The following CAMK1D variants were observed in gnomAD, a reference collection of about 807,000 sequenced individuals.
The protein encoded by CAMK1D is calcium/calmodulin dependent protein kinase ID.
CAMK1D carries 9 observed loss-of-function variants against 47.7 expected under a neutral mutation model. That is an observed-to-expected ratio of 0.19 (90% CI 0.11 to 0.33). The LOEUF (loss-of-function observed/expected upper bound fraction) is 0.33. Among genes scored for constraint, CAMK1D ranks in the 10% least tolerant of loss-of-function variants. The probability of loss-of-function intolerance (pLI) is 1.00; values close to 1 mark genes in which losing one functional copy is unlikely to be tolerated. For synonymous variants in CAMK1D, 184 were observed against 184.9 expected, an observed-to-expected ratio of 0.99 and a Z score of 0.04; for missense variants, 291 against 488.7, an observed-to-expected ratio of 0.60 and a Z score of 3.81.
intron 5 of CAMK1D, among the ~76,000 whole-genome samples, chr10:12,785,700 G>T (rs571836729): frequency 1.3e-5 from 2 of 152,284 alleles, no homozygotes; most frequent in South Asian, 2.1e-4. Context: ...TCCTTGCCAC[G>T]CGTCATAAAA....
chr10:12,576,462 T>A (rs1831086), intron 2 of CAMK1D, among the ~76,000 whole-genome samples: 39,795 of 151,672 alleles, frequency 0.26, 6,304 homozygotes, highest in Admixed American at 0.37. Flanking sequence ...GTACTTTATT[T>A]TTATTATTAT....
At chr10:12,408,848 C>CTTTTTT (rs113921067) in intron 1 of CAMK1D, among the ~76,000 whole-genome samples, 148 of 121,828 alleles carry the variant, frequency 1.2e-3, no homozygotes, top group Non-Finnish European at 1.5e-3. Flanking sequence ...TTCTTTCTTT[C>CTTTTTT]TTTTTTTTTT....
At chr10:12,795,229 C>G (rs959592403) in intron 6 of CAMK1D, among the ~76,000 whole-genome samples, 7 of 152,132 alleles carry the variant, frequency 4.6e-5, no homozygotes, top group African/African-American at 1.7e-4. Flanking sequence ...AGGACCAGAG[C>G]AGGGTGCCAT....
At chr10:12,792,704 G>C (rs965445589) in intron 6 of CAMK1D, among the ~76,000 whole-genome samples, 5 of 152,164 alleles carry the variant, frequency 3.3e-5, no homozygotes, top group African/African-American at 1.2e-4. Context: ...AGTGCCTGTA[G>C]ATTCTTGTCG....
At chr10:12,418,951 G>A (rs898578104) in intron 1 of CAMK1D, among the ~76,000 whole-genome samples, 4 of 152,174 alleles carry the variant, frequency 2.6e-5, no homozygotes, top group Admixed American at 1.3e-4. Flanking sequence ...AGTCGCGGGC[G>A]TGGTGTGTCC....
intron 3 of CAMK1D, among the ~76,000 whole-genome samples, chr10:12,735,247 C>T (rs1359384683): frequency 2.0e-5 from 3 of 152,118 alleles, no homozygotes; most frequent in Non-Finnish European, 4.4e-5. Context: ...GAGGCCGAGG[C>T]GGGCGGATCA....
At chr10:12,718,895 A>T (rs1834260011) in intron 3 of CAMK1D, among the ~76,000 whole-genome samples, 2 of 152,170 alleles carry the variant, frequency 1.3e-5, no homozygotes, top group Admixed American at 1.3e-4. Flanking sequence ...AGGAGTTGAC[A>T]CCCAGAGAAT....
At chr10:12,626,380 CG>C (rs1194395941) in intron 2 of CAMK1D, among the ~76,000 whole-genome samples, 1 of 152,006 alleles carries the variant, frequency 6.6e-6, no homozygotes, top group Non-Finnish European at 1.5e-5. Context: ...TTCTTTGCTC[CG>C]TTCCTTCCCA....
intron 2 of CAMK1D, among the ~76,000 whole-genome samples, chr10:12,563,878 T>C (rs1053290354): frequency 1.3e-5 from 2 of 152,236 alleles, no homozygotes; most frequent in African/African-American, 4.8e-5. Flanking sequence ...CTTTGCATGT[T>C]TATTTCCTTG....
At chr10:12,449,406 A>G (rs1833015713) in intron 1 of CAMK1D, among the ~76,000 whole-genome samples, 1 of 152,000 alleles carries the variant, frequency 6.6e-6, no homozygotes, top group Non-Finnish European at 1.5e-5. Context: ...TCCACTAACC[A>G]GCTGTGTATA....
At chr10:12,474,494 G>T (rs1048416156) in intron 1 of CAMK1D, among the ~76,000 whole-genome samples, 2 of 152,016 alleles carry the variant, frequency 1.3e-5, no homozygotes, top group African/African-American at 4.8e-5. Context: ...CACCTGGCCC[G>T]AGGATGGTTC....
chr10:12,442,879 A>G (rs1832821766), intron 1 of CAMK1D, among the ~76,000 whole-genome samples: 1 of 152,254 alleles, frequency 6.6e-6, no homozygotes, highest in Admixed American at 6.5e-5. Context: ...TCCAAAATTT[A>G]ACCATGACAA....
chr10:12,608,233 A>G (rs534523987), intron 2 of CAMK1D, among the ~76,000 whole-genome samples: 30 of 152,364 alleles, frequency 2.0e-4, no homozygotes, highest in Middle Eastern at 3.4e-3. Context: ...AGCCTGGCCA[A>G]CATGGCGGAA....
chr10:12,565,899 A>G (rs1386072401), intron 2 of CAMK1D, among the ~76,000 whole-genome samples: 3 of 151,706 alleles, frequency 2.0e-5, no homozygotes, highest in Non-Finnish European at 4.4e-5. Context: ...GCAATAGCCC[A>G]CTCTAGGTAG....
chr10:12,447,377 C>G (rs967201109), intron 1 of CAMK1D, among the ~76,000 whole-genome samples: 4 of 152,070 alleles, frequency 2.6e-5, no homozygotes, highest in African/African-American at 9.7e-5. Context: ...ACTGGGCAGC[C>G]TTCAGATAGT....
intron 5 of CAMK1D, among the ~76,000 whole-genome samples, chr10:12,779,683 A>G (rs3781072): frequency 3.3e-5 from 5 of 152,124 alleles, no homozygotes; most frequent in African/African-American, 1.2e-4. Context: ...CTACTGCTTC[A>G]TCCTCCCAAA....
intron 1 of CAMK1D, among the ~76,000 whole-genome samples, chr10:12,439,370 C>T (rs551438463): frequency 9.9e-5 from 15 of 152,144 alleles, no homozygotes; most frequent in Non-Finnish European, 2.1e-4. Context: ...ACGTGTTTTT[C>T]AAAATTACTC....
chr10:12,510,304 T>G (rs1367740833), intron 1 of CAMK1D, among the ~76,000 whole-genome samples: 1 of 152,112 alleles, frequency 6.6e-6, no homozygotes, highest in Non-Finnish European at 1.5e-5. Flanking sequence ...TAATCCGAGT[T>G]ACTTGGGAGG....
At chr10:12,600,842 T>C (rs1174805809) in intron 2 of CAMK1D, among the ~76,000 whole-genome samples, 2 of 152,232 alleles carry the variant, frequency 1.3e-5, no homozygotes, top group Middle Eastern at 3.2e-3. Context: ...ATGTACACAT[T>C]ATTTAGCTCC....
Sources: allele counts gnomAD v4.1 joint callset (sites outside exome capture counted in the v4.1 genomes callset), GRCh38; gene constraint gnomAD v4.1.1; transcripts MANE v1.5; gene names NCBI Gene and HGNC (gene_info 2026-07-23, HGNC 2026-07-21).